The following SAMD3 variants were observed in gnomAD, a reference collection of about 807,000 sequenced individuals.
The protein encoded by SAMD3 is sterile alpha motif domain containing 3.
Under a neutral mutation model 58.5 loss-of-function variants are expected in SAMD3, and 63 were observed. That is an observed-to-expected ratio of 1.08 (90% CI 0.88 to 1.33). The LOEUF is 1.33. Among genes scored for constraint, SAMD3 ranks in the 40% most tolerant of loss-of-function variants. The probability of loss-of-function intolerance (pLI) is 0.00; values close to 1 mark genes in which losing one functional copy is unlikely to be tolerated. For missense variants in SAMD3, 604 were observed against 608.4 expected (o/e 0.99, Z 0.08); for synonymous variants, 220 against 210.3 (o/e 1.05, Z -0.40).
chr6:130,182,257 G>T (rs541401201), intron 7 of SAMD3, among the ~76,000 whole-genome samples: 105 of 106,124 alleles, frequency 9.9e-4, no homozygotes, highest in African/African-American at 4.0e-3. Context: ...TTTTTCCTTC[G>T]CTTTGTTTTG....
intron 7 of SAMD3, among the ~76,000 whole-genome samples, chr6:130,180,015 A>G (rs571688960): frequency 1.3e-5 from 2 of 151,994 alleles, no homozygotes; most frequent in South Asian, 2.1e-4. Flanking sequence ...GGGTTTCACC[A>G]TGTTGGCCAG....
chr6:130,288,754 T>G (rs1197115767), intron 2 of SAMD3, among the ~76,000 whole-genome samples: 4 of 152,176 alleles, frequency 2.6e-5, no homozygotes, highest in African/African-American at 7.2e-5. Context: ...TTTGCAAAAT[T>G]TACTTAGGTG....
intron 2 of SAMD3, among the ~76,000 whole-genome samples, chr6:130,288,081 A>G (rs1775225013): frequency 6.6e-6 from 1 of 152,246 alleles, no homozygotes; most frequent in African/African-American, 2.4e-5. Context: ...GAAAAATATT[A>G]GGAAGCCCTT....
chr6:130,240,291 A>G (rs570485273), intron 2 of SAMD3, among the ~76,000 whole-genome samples: 20 of 152,300 alleles, frequency 1.3e-4, no homozygotes, highest in African/African-American at 4.1e-4. Context: ...GATGACCCCA[A>G]TTCATACAAC....
intron 1 of SAMD3, among the ~76,000 whole-genome samples, chr6:130,322,214 G>A (rs1776609041): frequency 6.6e-6 from 1 of 152,174 alleles, no homozygotes; most frequent in Admixed American, 6.5e-5. Context: ...GACAGAGGCG[G>A]AATCTGGTTC....
intron 2 of SAMD3, among the ~76,000 whole-genome samples, chr6:130,267,198 C>T (rs763382354): frequency 9.2e-5 from 14 of 152,158 alleles, no homozygotes; most frequent in African/African-American, 2.9e-4. Flanking sequence ...CACATGTGCC[C>T]GTGCAAGTGT....
At chr6:130,199,539 A>C (rs1451811372) in intron 5 of SAMD3, among the ~76,000 whole-genome samples, 1 of 152,214 alleles carries the variant, frequency 6.6e-6, no homozygotes, top group Non-Finnish European at 1.5e-5. Context: ...ATAGGGAACA[A>C]ACTTTACCAA....
At chr6:130,292,007 A>G (rs575687705) in intron 2 of SAMD3, among the ~76,000 whole-genome samples, 5 of 152,330 alleles carry the variant, frequency 3.3e-5, no homozygotes, top group Admixed American at 3.3e-4. Flanking sequence ...TGTGACCTTT[A>G]TTATTAAGCT....
chr6:130,289,498 A>AAT (rs1554271364), intron 2 of SAMD3, among the ~76,000 whole-genome samples: 3 of 150,600 alleles, frequency 2.0e-5, no homozygotes, highest in Admixed American at 1.3e-4. Flanking sequence ...AAGAAAAAAA[A>AAT]ATATATATAG....
chr6:130,321,827 C>A (rs1045444312), intron 1 of SAMD3, among the ~76,000 whole-genome samples: 1 of 152,036 alleles, frequency 6.6e-6, no homozygotes, highest in East Asian at 1.9e-4. Flanking sequence ...AAAGTCTAGA[C>A]TATAAGGCAG....
chr6:130,310,589 A>G (rs932172014), intron 2 of SAMD3, among the ~76,000 whole-genome samples: 2 of 152,180 alleles, frequency 1.3e-5, no homozygotes, highest in African/African-American at 4.8e-5. Context: ...TGAATGTTAT[A>G]GTTTTTATAT....
chr6:130,186,919 T>C (rs1018247295), intron 5 of SAMD3, among the ~76,000 whole-genome samples: 1 of 151,894 alleles, frequency 6.6e-6, no homozygotes, highest in Non-Finnish European at 1.5e-5. Flanking sequence ...TACAGGCGCA[T>C]GCCACCGTGC....
chr6:130,287,796 T>C (rs1302713271), intron 2 of SAMD3, among the ~76,000 whole-genome samples: 1 of 152,004 alleles, frequency 6.6e-6, no homozygotes. Flanking sequence ...ATACAAAAAT[T>C]AGCACGGGCA....
intron 1 of SAMD3, among the ~76,000 whole-genome samples, chr6:130,318,706 G>C (rs567068271): frequency 3.0e-4 from 46 of 152,312 alleles, no homozygotes; most frequent in African/African-American, 1.1e-3. Flanking sequence ...TGGGATTACA[G>C]GCATGAGCCA....
At chr6:130,234,962 T>C (rs1468534506) in intron 2 of SAMD3, among the ~76,000 whole-genome samples, 2 of 151,952 alleles carry the variant, frequency 1.3e-5, no homozygotes, top group African/African-American at 4.8e-5. Flanking sequence ...GAAATAAAAA[T>C]AAATTAGCCA....
chr6:130,224,439 G>A (rs1000269673), upstream of SAMD3, among the ~76,000 whole-genome samples: 11 of 139,658 alleles, frequency 7.9e-5, no homozygotes, highest in African/African-American at 3.7e-4. Flanking sequence ...CGTATCAAAA[G>A]CAAAGCACAG....
chr6:130,202,062 T>C (rs1436072259), intron 5 of SAMD3, among the ~76,000 whole-genome samples: 3 of 152,188 alleles, frequency 2.0e-5, no homozygotes, highest in African/African-American at 7.2e-5. Flanking sequence ...GTCAGTAATT[T>C]GGACTGAACA....
intron 2 of SAMD3, among the ~76,000 whole-genome samples, chr6:130,231,541 G>GA: frequency 6.6e-6 from 1 of 152,052 alleles, no homozygotes; most frequent in East Asian, 1.9e-4. Flanking sequence ...TCCAGTCTGG[G>GA]CGACAAGAGT....
At chr6:130,265,794 A>G (rs11154547) in intron 2 of SAMD3, among the ~76,000 whole-genome samples, 47,136 of 151,862 alleles carry the variant, frequency 0.31, 7,683 homozygotes, top group East Asian at 0.47. Context: ...GCCCAAATGA[A>G]TCACCTTGAA....
Sources: allele counts gnomAD v4.1 joint callset (sites outside exome capture counted in the v4.1 genomes callset), GRCh38; gene constraint gnomAD v4.1.1; transcripts MANE v1.5; gene names NCBI Gene and HGNC (gene_info 2026-07-23, HGNC 2026-07-21).